The following FOXP1 variants were observed in gnomAD, a reference collection of about 807,000 sequenced individuals.
The protein encoded by FOXP1 is forkhead box protein P1.
FOXP1 carries 15 observed loss-of-function variants against 98.2 expected under a neutral mutation model. The ratio of observed to expected loss-of-function variants is 0.15; its 90% CI spans 0.10 to 0.24. FOXP1 has a LOEUF of 0.24. Ranked by LOEUF, FOXP1 falls within the 10% of genes least tolerant of loss-of-function variation. The probability of loss-of-function intolerance (pLI) is 1.00; values close to 1 mark genes in which losing one functional copy is unlikely to be tolerated. For synonymous variants in FOXP1, 371 were observed against 314.5 expected, an observed-to-expected ratio of 1.18 and a Z score of -1.90; for missense variants, 633 against 848.5, an observed-to-expected ratio of 0.75 and a Z score of 3.15.
intron 4 of FOXP1, among the ~76,000 whole-genome samples, chr3:71,343,387 C>T (rs1038280938): frequency 2.6e-5 from 4 of 152,166 alleles, no homozygotes; most frequent in African/African-American, 9.6e-5. Flanking sequence ...CCCTTTGAGG[C>T]CTCTAGGAGA....
intron 6 of FOXP1, among the ~76,000 whole-genome samples, chr3:71,115,938 C>T (rs998731907): frequency 3.3e-5 from 5 of 151,682 alleles, no homozygotes; most frequent in South Asian, 2.1e-4. Context: ...GGTTTTGCCA[C>T]GTCGGCCGGG....
intron 4 of FOXP1, among the ~76,000 whole-genome samples, chr3:71,356,202 T>A (rs1270242164): frequency 7.1e-6 from 1 of 140,812 alleles, no homozygotes; most frequent in Admixed American, 7.3e-5. Flanking sequence ...AGGACCATTG[T>A]CTGACTAAGT....
Position 70,988,152 on chromosome 3 carries a change from T to TA in FOXP1, c.1063-76dup. On this transcript the variant is annotated intron_variant, in intron 13 of 20. Transcript: ENST00000649528. The stretch of plus-strand genomic sequence containing the variant: ...TCTTAACACCAAAAATGATACATAT[T>TA]ACAAATTACGCTATGGCACCACAGC... 2.4e-6 allele frequency: 3 copies of TA among 1,265,798 alleles called. No homozygotes were observed. The Admixed American group carries it at 5.0e-5, about 21-fold the overall frequency. 78.4% of individuals were successfully genotyped at this position (1,265,798 alleles called of 1,614,324 possible).
chr3:71,469,011 T>C (rs894715152), intron 3 of FOXP1, among the ~76,000 whole-genome samples: 8 of 152,138 alleles, frequency 5.3e-5, no homozygotes, highest in African/African-American at 1.9e-4. Flanking sequence ...TCAGAGCAAT[T>C]CCACCGGCGC....
intron 7 of FOXP1, among the ~76,000 whole-genome samples, chr3:71,081,290 A>C (rs2054386266): frequency 6.6e-6 from 1 of 152,180 alleles, no homozygotes; most frequent in Non-Finnish European, 1.5e-5. Flanking sequence ...TCAGCTCAGT[A>C]ATTACACAAA....
intron 5 of FOXP1, among the ~76,000 whole-genome samples, chr3:71,272,716 A>G (rs1408673089): frequency 6.6e-6 from 1 of 152,074 alleles, no homozygotes; most frequent in Non-Finnish European, 1.5e-5. Context: ...AGACACTCAT[A>G]TTGTCCACTG....
chr3:71,291,906 C>T (rs1169776359), intron 5 of FOXP1, among the ~76,000 whole-genome samples: 1 of 151,780 alleles, frequency 6.6e-6, no homozygotes, highest in Non-Finnish European at 1.5e-5. Flanking sequence ...GGGGTTTCAC[C>T]ATGTTGGCCA....
intron 11 of FOXP1, among the ~76,000 whole-genome samples, chr3:71,020,873 T>C (rs1313071374): frequency 6.6e-6 from 1 of 152,172 alleles, no homozygotes; most frequent in Non-Finnish European, 1.5e-5. Context: ...GCTACGTACA[T>C]CTGTGCCCAT....
At chr3:71,384,263 G>A (rs956027591) in intron 3 of FOXP1, among the ~76,000 whole-genome samples, 9 of 152,098 alleles carry the variant, frequency 5.9e-5, no homozygotes, top group African/African-American at 1.9e-4. Flanking sequence ...CAAACAGGCT[G>A]TTAAACATCC....
intron 3 of FOXP1, among the ~76,000 whole-genome samples, chr3:71,446,102 A>G (rs1268945700): frequency 6.6e-6 from 1 of 152,062 alleles, no homozygotes; most frequent in Non-Finnish European, 1.5e-5. Flanking sequence ...CAGGCATTCA[A>G]TGTGTCATCA....
At chr3:71,447,398 G>C (rs1577566716) in intron 3 of FOXP1, among the ~76,000 whole-genome samples, 1 of 152,202 alleles carries the variant, frequency 6.6e-6, no homozygotes, top group South Asian at 2.1e-4. Flanking sequence ...TGCCAATCTG[G>C]GCAGTGATTG....
chr3:71,403,814 G>A (rs1232441195), intron 3 of FOXP1, among the ~76,000 whole-genome samples: 2 of 152,144 alleles, frequency 1.3e-5, no homozygotes, highest in Non-Finnish European at 2.9e-5. Flanking sequence ...TCGCACCACT[G>A]CACTCCAGCC....
intron 3 of FOXP1, among the ~76,000 whole-genome samples, chr3:71,452,969 G>A (rs139161369): frequency 6.6e-6 from 1 of 152,292 alleles, no homozygotes; most frequent in African/African-American, 2.4e-5. Flanking sequence ...ACAACTGGCT[G>A]GAGTGAGGCA....
intron 6 of FOXP1, among the ~76,000 whole-genome samples, chr3:71,132,297 A>G (rs915442926): frequency 6.6e-6 from 1 of 152,208 alleles, no homozygotes; most frequent in Non-Finnish European, 1.5e-5. Flanking sequence ...TGGAATGAAC[A>G]CAAATGTTCC....
intron 6 of FOXP1, among the ~76,000 whole-genome samples, chr3:71,175,872 T>C (rs980250425): frequency 6.6e-6 from 1 of 152,176 alleles, no homozygotes; most frequent in Non-Finnish European, 1.5e-5. Context: ...ACTGGAGCAG[T>C]GTTCTATGTG....
At chr3:71,224,993 A>G (rs1394660050) in intron 5 of FOXP1, among the ~76,000 whole-genome samples, 1 of 152,236 alleles carries the variant, frequency 6.6e-6, no homozygotes, top group Non-Finnish European at 1.5e-5. Flanking sequence ...GATAGAATAT[A>G]CATGACCTAT....
intron 18 of FOXP1, 62 bp from the exon 19 acceptor site, chr3:70,970,867 A>AGTTTT: frequency 7.5e-7 from 1 of 1,341,246 alleles, no homozygotes; most frequent in Non-Finnish European, 1.1e-6. Context: ...TTCCTAGCTA[A>AGTTTT]GTTTTGTTTT....
chr3:71,527,721 A>G (rs1290463884), intron 2 of FOXP1, among the ~76,000 whole-genome samples: 2 of 152,212 alleles, frequency 1.3e-5, no homozygotes, highest in African/African-American at 4.8e-5. Context: ...ATAGGGGGGA[A>G]AAAACAAAGA....
At chr3:71,093,330 A>C (rs970156697) in intron 7 of FOXP1, among the ~76,000 whole-genome samples, 2 of 150,546 alleles carry the variant, frequency 1.3e-5, no homozygotes, top group Non-Finnish European at 3.0e-5. Flanking sequence ...TGTCCAATAG[A>C]TCTTTTCACA....
Sources: allele counts gnomAD v4.1 joint callset (sites outside exome capture counted in the v4.1 genomes callset), GRCh38; gene constraint gnomAD v4.1.1; transcripts MANE v1.5; gene names NCBI Gene and HGNC (gene_info 2026-07-23, HGNC 2026-07-21).